Variants in RHOD observed in about 807,000 individuals in gnomAD.
The protein encoded by RHOD is rho-related GTP-binding protein RhoD.
A neutral mutation model predicts 16.7 loss-of-function variants in RHOD; 11 were observed. The observed-to-expected ratio is 0.66, with a 90% CI of 0.41 to 1.09. The LOEUF is 1.09. Ranked by LOEUF, RHOD falls within the 50% of genes least tolerant of loss-of-function variation. RHOD has a pLI of 0.00. For missense variants in RHOD, 271 were observed against 291.7 expected, an observed-to-expected ratio of 0.93 and a Z score of 0.52; for synonymous variants, 124 against 126.3, an observed-to-expected ratio of 0.98 and a Z score of 0.12.
chr11:67,066,911 C>A, intron 3 of RHOD, 64 bp downstream of exon 3: 2 of 1,075,624 alleles, frequency 1.9e-6, no homozygotes, highest in South Asian at 2.5e-5. Context: ...TGCCACCCAC[C>A]CTCGACCCAG....
chr11:67,071,479 G>T lies in RHOD; in HGVS notation c.510G>T (p.Glu170Asp), dbSNP rs771806860. ...ARSVGAVAYLECSARLHDNVH... is the reference protein window; with the variant it reads ...ARSVGAVAYLDCSARLHDNVH... ...CCGTGGGCGCGGTGGCCTACCTCGA[G>T]TGCTCGGCTCGGCTCCATGACAACG... Residue 170 changes from glutamate (E) to aspartate (D), a missense_variant, in exon 5 of 5, where the codon GAG becomes GAT. By Grantham distance (45) the Glu-to-Asp change is conservative. Coordinates refer to ENST00000308831, the MANE Select transcript of RHOD (RefSeq NM_014578.4). 1 of 1,607,634 alleles carries T rather than the reference G, an allele frequency of 6.2e-7. No individual in the cohort carries two copies. Among genetic ancestry groups the T allele is most frequent in the South Asian group, 1.1e-5 (1 of 90,970 alleles).
At chr11:67,067,723 G>C (rs3923203) in intron 3 of RHOD, among the ~76,000 whole-genome samples, 57,029 of 151,956 alleles carry the variant, frequency 0.38, 11,033 homozygotes, top group South Asian at 0.51. Context: ...ATTCTGAATC[G>C]GTCTAGAAGG....
At chr11:67,061,910 G>A (rs1229611261) in intron 1 of RHOD, among the ~76,000 whole-genome samples, 9 of 150,616 alleles carry the variant, frequency 6.0e-5, no homozygotes, top group Admixed American at 3.3e-4. Flanking sequence ...GCTGAGGCAG[G>A]AGAATCACTT....
At chr11:67,068,211 G>C (rs528986756) in intron 3 of RHOD, among the ~76,000 whole-genome samples, 59 of 152,356 alleles carry the variant, frequency 3.9e-4, no homozygotes, top group African/African-American at 1.3e-3. Context: ...CCGGCAGGCA[G>C]TGCGATGCAT....
At chr11:67,057,645 C>T (rs1044792707) in intron 1 of RHOD, among the ~76,000 whole-genome samples, 1 of 152,244 alleles carries the variant, frequency 6.6e-6, no homozygotes, top group Non-Finnish European at 1.5e-5. Context: ...GGTGGGAGCA[C>T]GCCAGCTGTA....
At chr11:67,067,458 A>G (rs2094225678) in intron 3 of RHOD, among the ~76,000 whole-genome samples, 1 of 152,184 alleles carries the variant, frequency 6.6e-6, no homozygotes. Context: ...TGGTACTTGC[A>G]TGTATTTACT....
rs1854974496 is a variant in RHOD at position 67,067,621 on chromosome 11, C to T, written c.330+774C>T. On this transcript the variant is annotated intron_variant, in intron 3 of 4. Transcript: ENST00000308831. ...TTCAGAACGAATGATTGAGCACATT[C>T]GTTCTGGTGCTGTTCTGGGCATTGG... is the stretch of plus-strand genomic sequence containing the variant. Among the ~76,000 whole-genome samples, 3 of 152,156 alleles carry T rather than the reference C, an allele frequency of 2.0e-5. No individual in the cohort carries two copies. In the South Asian group the frequency reaches 6.2e-4, roughly 31 times the overall value.
intron 1 of RHOD, among the ~76,000 whole-genome samples, chr11:67,060,019 G>T (rs991416657): frequency 6.6e-6 from 1 of 152,240 alleles, no homozygotes; most frequent in Admixed American, 6.5e-5. Flanking sequence ...ACAGGGGGAA[G>T]CCCCAGGCTG....
intron 1 of RHOD, among the ~76,000 whole-genome samples, chr11:67,059,485 G>A (rs897155980): frequency 6.6e-6 from 1 of 152,104 alleles, no homozygotes; most frequent in Non-Finnish European, 1.5e-5. Context: ...GGAGGTTGCA[G>A]TGAACCGAGA....
intron 1 of RHOD, among the ~76,000 whole-genome samples, chr11:67,059,238 C>A (rs1369831696): frequency 6.6e-6 from 1 of 152,152 alleles, no homozygotes; most frequent in Non-Finnish European, 1.5e-5. Context: ...GAGTCCTCTT[C>A]ATTTAAAGAA....
intron 1 of RHOD, among the ~76,000 whole-genome samples, chr11:67,062,354 A>T (rs1370161127): frequency 6.6e-6 from 1 of 152,194 alleles, no homozygotes; most frequent in Non-Finnish European, 1.5e-5. Context: ...TAAGCCAGGC[A>T]TATCTAAACC....
At chr11:67,064,177 C>A (rs1170959790) in intron 1 of RHOD, among the ~76,000 whole-genome samples, 1 of 142,026 alleles carries the variant, frequency 7.0e-6, no homozygotes, top group South Asian at 2.2e-4. Context: ...GAGGCCGAGG[C>A]GGGTGGATCA....
At chr11:67,063,525 T>A (rs1282342111) in intron 1 of RHOD, among the ~76,000 whole-genome samples, 4 of 127,136 alleles carry the variant, frequency 3.1e-5, no homozygotes, top group Non-Finnish European at 1.6e-5. Flanking sequence ...AGGCCAGGCG[T>A]GGTGGCTCAT....
At chr11:67,057,308 A>T (rs1354136268) in intron 1 of RHOD, among the ~76,000 whole-genome samples, 1 of 152,228 alleles carries the variant, frequency 6.6e-6, no homozygotes, top group Admixed American at 6.5e-5. Flanking sequence ...CTAAGACAGC[A>T]CTTGGCCACA....
rs775049468 is a variant in RHOD at position 67,065,878 on chromosome 11, C to A, written c.133-18C>A. Reference sequence around the variant, plus strand: ...TCCGAAGCCTCCTCACACCCTCCCCCGCCCTGCTTCTCCTCAGAGCTACAC... The same window carrying A: ...TCCGAAGCCTCCTCACACCCTCCCCAGCCCTGCTTCTCCTCAGAGCTACAC... On this transcript the variant is annotated intron_variant, in intron 1 of 4. Transcript: ENST00000308831. 1.3e-6 allele frequency: 2 copies of A among 1,599,072 alleles called. No individual in the cohort carries two copies. Among genetic ancestry groups the A allele is most frequent in the Non-Finnish European group, 1.7e-6 (2 of 1,166,776 alleles).
intron 3 of RHOD, 41 bp from the exon 4 acceptor site, chr11:67,070,384 G>T: frequency 6.2e-7 from 1 of 1,608,112 alleles, no homozygotes; most frequent in Non-Finnish European, 8.5e-7. Context: ...ACTCTCCAGG[G>T]CTCACACATG....
At chr11:67,061,780 G>A (rs1452950561) in intron 1 of RHOD, among the ~76,000 whole-genome samples, 2 of 144,406 alleles carry the variant, frequency 1.4e-5, no homozygotes, top group African/African-American at 2.6e-5. Context: ...ATATATGTGT[G>A]TGTGTGTGTG....
intron 1 of RHOD, among the ~76,000 whole-genome samples, chr11:67,061,709 GTCCAGGA>G (rs56366255): frequency 0.51 from 67,324 of 130,798 alleles, 18,597 homozygotes; most frequent in African/African-American, 0.69. Context: ...ACTCCAGCCT[GTCCAGGA>G]GGCGACAGAG....
At chr11:67,061,480 A>G (rs1404233431) in intron 1 of RHOD, among the ~76,000 whole-genome samples, 3 of 151,630 alleles carry the variant, frequency 2.0e-5, no homozygotes, top group Non-Finnish European at 4.4e-5. Flanking sequence ...TAAAAATACA[A>G]AATTAGCCGG....
Sources: allele counts gnomAD v4.1 joint callset (sites outside exome capture counted in the v4.1 genomes callset), GRCh38; gene constraint gnomAD v4.1.1; transcripts MANE v1.5; gene names NCBI Gene and HGNC (gene_info 2026-07-23, HGNC 2026-07-21).